PPP3CC: variants seen among roughly 807,000 people sequenced by gnomAD.
PPP3CC encodes the protein serine/threonine-protein phosphatase 2B catalytic subunit gamma isoform.
Under a neutral mutation model 60.3 loss-of-function variants are expected in PPP3CC, and 35 were observed. The ratio of observed to expected loss-of-function variants is 0.58; its 90% CI spans 0.44 to 0.77. The LOEUF (loss-of-function observed/expected upper bound fraction) is 0.77, where lower values mean the gene tolerates loss of function less well. Ranked by LOEUF, PPP3CC falls within the 30% of genes least tolerant of loss-of-function variation. PPP3CC has a pLI of 0.00. For missense variants in PPP3CC, 570 were observed against 628.9 expected (o/e 0.91, Z 1.00); for synonymous variants, 206 against 224.3 (o/e 0.92, Z 0.73).
intron 3 of PPP3CC, among the ~76,000 whole-genome samples, chr8:22,477,614 A>T (rs549916921): frequency 1.2e-3 from 176 of 152,270 alleles, no homozygotes; most frequent in African/African-American, 3.9e-3. Context: ...CTGAATTTCT[A>T]ATTAGGCATT....
intron 12 of PPP3CC, among the ~76,000 whole-genome samples, chr8:22,537,075 A>C (rs2117160186): frequency 6.6e-6 from 1 of 152,350 alleles, no homozygotes; most frequent in African/African-American, 2.4e-5. Flanking sequence ...ATCAGTTATA[A>C]ATTGGACTAC....
chr8:22,502,010 G>C (rs1015907387), intron 4 of PPP3CC, among the ~76,000 whole-genome samples: 1 of 152,162 alleles, frequency 6.6e-6, no homozygotes, highest in Non-Finnish European at 1.5e-5. Flanking sequence ...CTGGGTGACA[G>C]AGTGAGACCC....
At chr8:22,447,004 C>T (rs1056365137) in intron 1 of PPP3CC, among the ~76,000 whole-genome samples, 4 of 151,420 alleles carry the variant, frequency 2.6e-5, no homozygotes, top group African/African-American at 7.3e-5. Flanking sequence ...CTATAATGCC[C>T]GTTTATAGTT....
intron 3 of PPP3CC, 35 bp downstream of exon 3, chr8:22,475,659 A>G (rs1837866457): frequency 6.5e-7 from 1 of 1,530,112 alleles, no homozygotes; most frequent in Non-Finnish European, 8.8e-7. Context: ...GGACTATTAT[A>G]TTGTCTTTCA....
Position 22,506,940 on chromosome 8 carries a change from T to A in PPP3CC, c.485-4146T>A, listed in dbSNP as rs182388190. 1.7e-3 allele frequency among the ~76,000 whole-genome samples: 259 copies of A among 150,758 alleles called. 4 individuals carry two copies. Among genetic ancestry groups the A allele is most frequent in the African/African-American group, 5.5e-3 (226 of 41,144 alleles). ...CTCTCAAATAAATAAATTAATTAAT[T>A]AATTAATTAAATTAAATAAATAAAA... On this transcript the variant is annotated intron_variant, in intron 4 of 13. Coordinates refer to ENST00000240139, the MANE Select transcript of PPP3CC (RefSeq NM_005605.5).
intron 1 of PPP3CC, among the ~76,000 whole-genome samples, chr8:22,458,900 G>A (rs2132443172): frequency 6.6e-6 from 1 of 152,184 alleles, no homozygotes; most frequent in African/African-American, 2.4e-5. Flanking sequence ...GTTAATTGTG[G>A]TCAATGAATT....
At chr8:22,467,411 T>C (rs1837575053) in intron 1 of PPP3CC, among the ~76,000 whole-genome samples, 1 of 152,080 alleles carries the variant, frequency 6.6e-6, no homozygotes, top group African/African-American at 2.4e-5. Flanking sequence ...TTTAGTTAGA[T>C]GTTCGCTTAG....
At chr8:22,527,998 A>G (rs897630195) in intron 9 of PPP3CC, among the ~76,000 whole-genome samples, 1 of 152,150 alleles carries the variant, frequency 6.6e-6, no homozygotes, top group Non-Finnish European at 1.5e-5. Context: ...TGGTTTTTTT[A>G]TTGTAAATAT....
intron 1 of PPP3CC, among the ~76,000 whole-genome samples, chr8:22,463,202 A>G (rs1837414981): frequency 6.6e-6 from 1 of 152,204 alleles, no homozygotes; most frequent in Non-Finnish European, 1.5e-5. Context: ...GGCTTCTGGC[A>G]TCTGGGAGGT....
chr8:22,496,485 C>CTTTTTTGTTTTTTT (rs1838586244), intron 3 of PPP3CC, among the ~76,000 whole-genome samples: 1 of 43,564 alleles, frequency 2.3e-5, no homozygotes, highest in Non-Finnish European at 4.2e-5. Context: ...GAACTGTAAT[C>CTTTTTTGTTTTTTT]TTTTTTTTTT....
At chr8:22,493,191 G>A in intron 3 of PPP3CC, 1 of 1,141,766 alleles carries the variant, frequency 8.8e-7, no homozygotes, top group Non-Finnish European at 1.3e-6. Flanking sequence ...TGCTTTTTAA[G>A]AAATTTTTGT....
At chr8:22,485,246 C>T (rs957719584) in intron 3 of PPP3CC, among the ~76,000 whole-genome samples, 3 of 151,968 alleles carry the variant, frequency 2.0e-5, no homozygotes, top group South Asian at 2.1e-4. Context: ...GCCAAATAAA[C>T]GCAAGCACAG....
At chr8:22,444,438 T>C (rs1416619206) in intron 1 of PPP3CC, among the ~76,000 whole-genome samples, 1 of 152,216 alleles carries the variant, frequency 6.6e-6, no homozygotes, top group African/African-American at 2.4e-5. Flanking sequence ...GAGATATCAT[T>C]AACATTTGAA....
At chr8:22,448,374 T>G (rs1836897610) in intron 1 of PPP3CC, among the ~76,000 whole-genome samples, 1 of 142,348 alleles carries the variant, frequency 7.0e-6, no homozygotes, top group Non-Finnish European at 1.5e-5. Context: ...TATTATACCT[T>G]TTTTTTGTTT....
chr8:22,453,998 C>T (rs1370293395), intron 1 of PPP3CC, among the ~76,000 whole-genome samples: 3 of 152,146 alleles, frequency 2.0e-5, no homozygotes, highest in African/African-American at 4.8e-5. Flanking sequence ...GCAGGCTTTA[C>T]AAACACTGCA....
intron 12 of PPP3CC, among the ~76,000 whole-genome samples, chr8:22,538,410 G>C (rs2117163252): frequency 6.6e-6 from 1 of 152,288 alleles, no homozygotes; most frequent in Non-Finnish European, 1.5e-5. Flanking sequence ...GCCTGCCTAT[G>C]GTTGACAAAT....
intron 1 of PPP3CC, among the ~76,000 whole-genome samples, chr8:22,463,485 AC>A (rs1485616425): frequency 1.3e-5 from 2 of 152,176 alleles, no homozygotes; most frequent in Non-Finnish European, 2.9e-5. Flanking sequence ...AGCGGAAACC[AC>A]CTGTGGATCA....
chr8:22,469,154 TA>T (rs899662680), intron 1 of PPP3CC, among the ~76,000 whole-genome samples: 1 of 151,978 alleles, frequency 6.6e-6, no homozygotes, highest in African/African-American at 2.4e-5. Context: ...TGTTCAACCA[TA>T]AAAAAACAAA....
At chr8:22,482,695 AT>A (rs1268977955) in intron 3 of PPP3CC, among the ~76,000 whole-genome samples, 1 of 152,192 alleles carries the variant, frequency 6.6e-6, no homozygotes, top group African/African-American at 2.4e-5. Flanking sequence ...CTGTAGTATG[AT>A]TGTTTCTTCT....
Sources: gnomAD v4.1 joint callset for allele counts (sites outside exome capture counted in the v4.1 genomes callset) on GRCh38, gnomAD v4.1.1 for gene constraint, MANE v1.5 for transcripts, NCBI Gene and HGNC (gene_info 2026-07-23, HGNC 2026-07-21) for gene names.